The following CDH13 variants were observed in gnomAD, a reference collection of about 807,000 sequenced individuals.
CDH13 encodes cadherin 13.
CDH13 carries 24 observed loss-of-function variants against 63.8 expected under a neutral mutation model. That is an observed-to-expected ratio of 0.38 (90% confidence interval 0.27 to 0.53). CDH13 has a LOEUF of 0.53. Among genes scored for constraint, CDH13 ranks in the 20% least tolerant of loss-of-function variants. The pLI is 0.85. For missense variants in CDH13, 1,049 were observed against 903.1 expected, an observed-to-expected ratio of 1.16 and a Z score of -2.07; for synonymous variants, 503 against 355.3, an observed-to-expected ratio of 1.42 and a Z score of -4.67.
At chr16:82,806,184 C>T (rs1263844983) in intron 1 of CDH13, among the ~76,000 whole-genome samples, 1 of 152,204 alleles carries the variant, frequency 6.6e-6, no homozygotes. Context: ...TGCTTCCTTG[C>T]TGAACTGGGC....
intron 6 of CDH13, among the ~76,000 whole-genome samples, chr16:83,365,140 G>A (rs960906772): frequency 2.2e-4 from 33 of 152,196 alleles, no homozygotes; most frequent in Admixed American, 2.0e-4. Flanking sequence ...AGTAGCTGGA[G>A]AGCCAGGAAA....
intron 6 of CDH13, among the ~76,000 whole-genome samples, chr16:83,361,741 G>A (rs186396305): frequency 6.6e-6 from 1 of 152,160 alleles, no homozygotes; most frequent in African/African-American, 2.4e-5. Flanking sequence ...GCCTATAGGT[G>A]TGCAGCTTTA....
At chr16:82,670,042 C>T (rs936202539) in intron 1 of CDH13, among the ~76,000 whole-genome samples, 1 of 152,204 alleles carries the variant, frequency 6.6e-6, no homozygotes, top group African/African-American at 2.4e-5. Flanking sequence ...TGGAAAGCAG[C>T]CCCTGTTGGA....
At chr16:83,412,898 T>C (rs1227063545) in intron 6 of CDH13, among the ~76,000 whole-genome samples, 1 of 152,250 alleles carries the variant, frequency 6.6e-6, no homozygotes, top group Non-Finnish European at 1.5e-5. Flanking sequence ...GTTTATTTCA[T>C]GTTACTTCCT....
intron 8 of CDH13, among the ~76,000 whole-genome samples, chr16:83,628,199 C>T (rs913544257): frequency 2.0e-5 from 3 of 152,168 alleles, no homozygotes; most frequent in Non-Finnish European, 4.4e-5. Flanking sequence ...AAGTCTCAGC[C>T]TTATTTCAGT....
chr16:83,411,345 T>A (rs966578082), intron 6 of CDH13, among the ~76,000 whole-genome samples: 1 of 152,198 alleles, frequency 6.6e-6, no homozygotes, highest in African/African-American at 2.4e-5. Context: ...TTCTTTCTTT[T>A]GAAGCATTTA....
intron 8 of CDH13, among the ~76,000 whole-genome samples, chr16:83,662,743 G>A (rs1177174423): frequency 6.6e-6 from 1 of 152,212 alleles, no homozygotes; most frequent in African/African-American, 2.4e-5. Context: ...CTCACCTGAT[G>A]AGATCAGTAG....
intron 3 of CDH13, among the ~76,000 whole-genome samples, chr16:83,117,206 C>T (rs553565215): frequency 1.3e-5 from 2 of 152,348 alleles, no homozygotes; most frequent in South Asian, 4.1e-4. Context: ...AGCCAGGGCC[C>T]TCTCCATGGC....
chr16:83,448,264 C>T (rs1359803100), intron 6 of CDH13, among the ~76,000 whole-genome samples: 1 of 151,918 alleles, frequency 6.6e-6, no homozygotes, highest in East Asian at 1.9e-4. Context: ...AGGAGGGGCT[C>T]ATTTGCAGAT....
chr16:82,644,903 GA>G lies in CDH13; in HGVS notation c.45+17774del, dbSNP rs547376990. ...ATGGGAGGTTAATATGGGTTCTGGG[GA>G]AAAAAAATTAGGGGAATCAAAAAAT... On this transcript the variant is annotated intron_variant, in intron 1 of 13. Coordinates refer to ENST00000567109, the MANE Select transcript of CDH13 (RefSeq NM_001257.5). The surrounding 1 kb of genome is among the most constrained non-coding windows in gnomAD (Gnocchi z 5.7). Among the ~76,000 whole-genome samples the G allele has an allele frequency of 6.6e-6, 1 of 151,958 alleles. No homozygotes were observed. Among genetic ancestry groups the G allele is most frequent in the Non-Finnish European group, 1.5e-5 (1 of 67,902 alleles).
In CDH13 at chr16:82,858,395, T is replaced by A. The variant is rs1475961091; in HGVS notation, c.79T>A (p.Cys27Ser). 1 of 1,613,740 alleles carries A rather than the reference T, an allele frequency of 6.2e-7. No individual in the cohort carries two copies. Among genetic ancestry groups the A allele is most frequent in the Non-Finnish European group, 8.5e-7 (1 of 1,179,658 alleles). Residue 27 changes from cysteine to serine, a missense_variant, in exon 2 of 14, where the codon TGC becomes AGC. Coordinates refer to ENST00000567109, the MANE Select transcript of CDH13 (RefSeq NM_001257.5). ...GCTAACATCTGCAGAAGATTTGGAC[T>A]GCACTCCTGGATTTCAGCAGAAAGT... ...LLLTSAEDLD[C>S]TPGFQQKVFH...
chr16:83,099,828 A>G (rs890717087), intron 3 of CDH13, among the ~76,000 whole-genome samples: 1 of 152,146 alleles, frequency 6.6e-6, no homozygotes, highest in Non-Finnish European at 1.5e-5. Flanking sequence ...TGCTCAGCAT[A>G]GCGCCAGACG....
At position 82,667,339 on chromosome 16, in the gene CDH13, C is replaced by T. The variant is rs554027525; in HGVS notation, c.45+40202C>T. On this transcript the variant is annotated intron_variant, in intron 1 of 13. Transcript: ENST00000567109. ...TAAGGAGGGGAGGCTTGCGAAGGCG[C>T]GTACTGAGCTGGCCATCCCCAAGTG... Among the ~76,000 whole-genome samples the T allele has an allele frequency of 5.4e-4, 82 of 152,284 alleles. 1 individual carries two copies. The highest frequency in any genetic ancestry group is 8.4e-4 in the Non-Finnish European group (57 of 68,024).
chr16:83,581,595 G>A (rs1905604913), intron 7 of CDH13, among the ~76,000 whole-genome samples: 1 of 152,114 alleles, frequency 6.6e-6, no homozygotes, highest in Non-Finnish European at 1.5e-5. Flanking sequence ...AAGGCAGTGG[G>A]TTGTTTGAGT....
intron 8 of CDH13, among the ~76,000 whole-genome samples, chr16:83,627,721 T>C (rs1910440433): frequency 1.3e-5 from 2 of 152,086 alleles, no homozygotes; most frequent in South Asian, 4.2e-4. Context: ...CGGAAAGAGG[T>C]CCCAATCCAG....
chr16:83,713,373 A>C (rs1355047714), intron 10 of CDH13, among the ~76,000 whole-genome samples: 3 of 152,108 alleles, frequency 2.0e-5, no homozygotes, highest in African/African-American at 7.2e-5. Context: ...AGTCCGACTT[A>C]TTTTTGACAA....
At chr16:82,986,142 A>G (rs10492869) in intron 2 of CDH13, among the ~76,000 whole-genome samples, 24,491 of 152,264 alleles carry the variant, frequency 0.16, 2,267 homozygotes, top group Non-Finnish European at 0.21. Flanking sequence ...GTGGGACAAC[A>G]TAAGACAATT....
chr16:82,991,161 G>T (rs547277262), intron 2 of CDH13, among the ~76,000 whole-genome samples: 1 of 152,242 alleles, frequency 6.6e-6, no homozygotes, highest in African/African-American at 2.4e-5. Flanking sequence ...AACTTAGATG[G>T]CCTGGAAAAC....
chr16:83,726,103 C>G (rs912618148), intron 10 of CDH13: 2 of 152,246 alleles, frequency 1.3e-5, no homozygotes, highest in Non-Finnish European at 2.9e-5. Context: ...GTAGAGAAAA[C>G]TGGACCTTGG....
Sources: gnomAD v4.1 joint callset for allele counts (sites outside exome capture counted in the v4.1 genomes callset) on GRCh38, gnomAD v4.1.1 for gene constraint, Gnocchi (gnomAD v3.1) non-coding constraint, MANE v1.5 for transcripts, NCBI Gene and HGNC (gene_info 2026-07-23, HGNC 2026-07-21) for gene names.